The following KCNIP4 variants were observed in gnomAD, a reference collection of about 807,000 sequenced individuals.
The protein encoded by KCNIP4 is Kv channel-interacting protein 4.
A neutral mutation model predicts 34.0 loss-of-function variants in KCNIP4; 12 were observed. The observed-to-expected ratio is 0.35, with a 90% CI of 0.23 to 0.57. The LOEUF (loss-of-function observed/expected upper bound fraction) is 0.57. KCNIP4 is among the 20% of genes least tolerant of loss of function. KCNIP4 has a pLI of 0.83. For missense variants in KCNIP4, 238 were observed against 311.7 expected, an observed-to-expected ratio of 0.76 and a Z score of 1.78; for synonymous variants, 124 against 102.2, an observed-to-expected ratio of 1.21 and a Z score of -1.29.
intron 1 of KCNIP4, among the ~76,000 whole-genome samples, chr4:21,125,734 A>G (rs1750560769): frequency 6.6e-6 from 1 of 152,138 alleles, no homozygotes; most frequent in African/African-American, 2.4e-5. Flanking sequence ...CAAAACAACC[A>G]TACTACCAGG....
intron 1 of KCNIP4, among the ~76,000 whole-genome samples, chr4:20,966,238 A>T (rs572349266): frequency 6.6e-6 from 1 of 152,294 alleles, no homozygotes; most frequent in Non-Finnish European, 1.5e-5. Context: ...ATCACCAATT[A>T]CTTCATTGCT....
intron 1 of KCNIP4, among the ~76,000 whole-genome samples, chr4:21,879,801 C>T (rs1354618945): frequency 6.6e-6 from 1 of 152,084 alleles, no homozygotes; most frequent in Non-Finnish European, 1.5e-5. Context: ...CCATAATCCC[C>T]ACATGTCATG....
rs1180214844 is a variant in KCNIP4 at position 20,728,726 on chromosome 4, A to G, written c.*1356T>C. The G allele has an allele frequency of 6.6e-6, 1 of 152,590 alleles. No individual in the cohort carries two copies. The highest frequency in any genetic ancestry group is 1.5e-5 in the Non-Finnish European group (1 of 68,030). 9.5% of individuals were successfully genotyped at this position (152,590 alleles called of 1,614,324 possible). On this transcript the variant is annotated 3_prime_UTR_variant, in exon 9 of 9. Transcript: ENST00000382152. ...GTGTACATGTATTGTACTACTCTTA[A>G]TTTCTACACTGGTGATAGCAGGGCA...
chr4:21,225,871 C>T (rs1758344904), intron 1 of KCNIP4, among the ~76,000 whole-genome samples: 1 of 151,946 alleles, frequency 6.6e-6, no homozygotes, highest in Admixed American at 6.6e-5. Context: ...CCAGGAAGGC[C>T]CAGTAGGGTC....
chr4:20,971,982 A>C (rs1734998924), intron 1 of KCNIP4, among the ~76,000 whole-genome samples: 1 of 152,224 alleles, frequency 6.6e-6, no homozygotes, highest in Admixed American at 6.5e-5. Context: ...AGTCAATTCC[A>C]TCTCAAGAAA....
chr4:21,169,391 A>G (rs1753846219), intron 1 of KCNIP4, among the ~76,000 whole-genome samples: 1 of 151,528 alleles, frequency 6.6e-6, no homozygotes, highest in Non-Finnish European at 1.5e-5. Context: ...GGCTCAAGCA[A>G]CCCTCCCTCC....
intron 2 of KCNIP4, among the ~76,000 whole-genome samples, chr4:20,859,912 C>T (rs1722011686): frequency 2.6e-5 from 4 of 152,196 alleles, no homozygotes; most frequent in East Asian, 3.9e-4. Context: ...AAAGCTGATT[C>T]AGAACTCAGG....
chr4:21,259,479 T>G (rs905998298), intron 1 of KCNIP4, among the ~76,000 whole-genome samples: 1 of 152,106 alleles, frequency 6.6e-6, no homozygotes, highest in African/African-American at 2.4e-5. Context: ...CCATCTCAAG[T>G]TTTTACACCA....
intron 1 of KCNIP4, among the ~76,000 whole-genome samples, chr4:21,122,092 T>G (rs1323752107): frequency 1.3e-5 from 2 of 152,188 alleles, no homozygotes; most frequent in Non-Finnish European, 2.9e-5. Flanking sequence ...TAGGTAAAAT[T>G]TACTAAAAAT....
intron 1 of KCNIP4, among the ~76,000 whole-genome samples, chr4:21,218,579 C>G (rs983610813): frequency 6.6e-6 from 1 of 152,110 alleles, no homozygotes; most frequent in Non-Finnish European, 1.5e-5. Context: ...AACACACATT[C>G]TTTATCACTA....
At chr4:20,772,411 T>A (rs1305485407) in intron 3 of KCNIP4, among the ~76,000 whole-genome samples, 1 of 152,132 alleles carries the variant, frequency 6.6e-6, no homozygotes, top group African/African-American at 2.4e-5. Context: ...GCAGTCAGTA[T>A]TCAAATACTG....
At chr4:21,856,534 G>A (rs768190820) in intron 1 of KCNIP4, among the ~76,000 whole-genome samples, 1 of 152,176 alleles carries the variant, frequency 6.6e-6, no homozygotes, top group Non-Finnish European at 1.5e-5. Context: ...GAGTTGGCAG[G>A]GCAGGAGCCT....
intron 1 of KCNIP4, among the ~76,000 whole-genome samples, chr4:21,098,264 A>G (rs1057257720): frequency 1.1e-4 from 16 of 152,226 alleles, no homozygotes; most frequent in African/African-American, 3.6e-4. Flanking sequence ...TACCCAGAAG[A>G]TCTAGCTAAG....
At chr4:20,860,624 TC>T (rs1228880742) in intron 2 of KCNIP4, among the ~76,000 whole-genome samples, 1 of 152,210 alleles carries the variant, frequency 6.6e-6, no homozygotes, top group Admixed American at 6.5e-5. Context: ...GAGCCATTAC[TC>T]CTAATGTTTA....
At chr4:20,951,032 A>G (rs1308641178) in intron 1 of KCNIP4, among the ~76,000 whole-genome samples, 1 of 152,182 alleles carries the variant, frequency 6.6e-6, no homozygotes, top group Non-Finnish European at 1.5e-5. Context: ...TTAAGGTTAA[A>G]TAAGGTCATA....
At chr4:21,060,157 C>G (rs995932061) in intron 1 of KCNIP4, among the ~76,000 whole-genome samples, 9 of 152,070 alleles carry the variant, frequency 5.9e-5, no homozygotes, top group Admixed American at 2.0e-4. Context: ...CCTGCTTAAA[C>G]TTTTACAATA....
At chr4:21,287,535 T>C (rs1418947285) in intron 1 of KCNIP4, among the ~76,000 whole-genome samples, 2 of 152,158 alleles carry the variant, frequency 1.3e-5, no homozygotes, top group Non-Finnish European at 2.9e-5. Context: ...CCCTGAAACA[T>C]ATGTAATTAT....
chr4:21,343,588 T>A lies in KCNIP4; in HGVS notation c.62-460879A>T, dbSNP rs116059224. On this transcript the variant is annotated intron_variant, in intron 1 of 8. Transcript: ENST00000382152. ...TAAAAATGCTGCTTGTCTATGAAAGTCTTTACCAGGATCCATGAGCCCAGG... is the reference window on the plus strand; with the variant it reads ...TAAAAATGCTGCTTGTCTATGAAAGACTTTACCAGGATCCATGAGCCCAGG... Among the ~76,000 whole-genome samples, 540 of 152,226 alleles carry A rather than the reference T, an allele frequency of 3.5e-3. 1 individual carries two copies. Among genetic ancestry groups the A allele is most frequent in the African/African-American group, 0.012 (507 of 41,558 alleles).
intron 1 of KCNIP4, among the ~76,000 whole-genome samples, chr4:21,144,897 T>C (rs1332426684): frequency 1.3e-5 from 2 of 151,956 alleles, no homozygotes; most frequent in Non-Finnish European, 1.5e-5. Flanking sequence ...CTCACACTAA[T>C]AGCAGCTCAA....
Sources: allele counts gnomAD v4.1 joint callset (sites outside exome capture counted in the v4.1 genomes callset), GRCh38; gene constraint gnomAD v4.1.1; transcripts MANE v1.5; gene names NCBI Gene and HGNC (gene_info 2026-07-23, HGNC 2026-07-21).